The following PTPRR variants were observed in gnomAD, a reference collection of about 807,000 sequenced individuals.
The protein encoded by PTPRR is protein tyrosine phosphatase receptor type R, also known as receptor-type tyrosine-protein phosphatase R.
A neutral mutation model predicts 77.2 loss-of-function variants in PTPRR; 38 were observed. The observed-to-expected ratio is 0.49, with a 90% CI of 0.38 to 0.65. The LOEUF is 0.65. Among genes scored for constraint, PTPRR ranks in the 30% least tolerant of loss-of-function variants. The pLI is 0.00. For missense variants in PTPRR, 744 were observed against 799.2 expected (o/e 0.93, Z 0.83); for synonymous variants, 299 against 283.1 (o/e 1.06, Z -0.57).
chr12:70,784,305 G>A (rs757460797), intron 2 of PTPRR, among the ~76,000 whole-genome samples: 1 of 152,196 alleles, frequency 6.6e-6, no homozygotes, highest in Admixed American at 6.5e-5. Context: ...CAGGGCTCCC[G>A]CTTATCCCAG....
chr12:70,917,043 A>G (rs1490179009), intron 1 of PTPRR, among the ~76,000 whole-genome samples: 1 of 152,246 alleles, frequency 6.6e-6, no homozygotes, highest in Non-Finnish European at 1.5e-5. Flanking sequence ...CAACTAAAAT[A>G]CAACACTATA....
chr12:70,802,377 A>T (rs921668615), intron 2 of PTPRR, among the ~76,000 whole-genome samples: 1 of 152,174 alleles, frequency 6.6e-6, no homozygotes, highest in Admixed American at 6.5e-5. Context: ...GAGAAGACTT[A>T]TGTAGGAGAA....
intron 10 of PTPRR, chr12:70,672,850 A>T: frequency 6.4e-7 from 1 of 1,559,666 alleles, no homozygotes; most frequent in Non-Finnish European, 8.7e-7. Context: ...CATCATCAGC[A>T]AGGTGGTGTG....
At position 70,892,933 on chromosome 12, in the gene PTPRR, T is replaced by C; in HGVS notation, c.103A>G (p.Lys35Glu). Residue 35 changes from lysine (K) to glutamate (E), a missense_variant, in exon 2 of 14, where the codon AAG becomes GAG. By Grantham distance (56) the Lys-to-Glu change is moderately conservative (BLOSUM62 1). This residue lies in a region of PTPRR where 570 missense variants were observed against 573.2 expected (regional missense o/e 0.99). Transcript: ENST00000283228. ...NNDHFLAINQ[K>E]KSGKPVFIYK... ...ATGAATACCGGCTTCCCACTCTTCT[T>C]CTGATTAATTGCCAAAAAATGATCA... 1 of 1,613,276 alleles carries C rather than the reference T, an allele frequency of 6.2e-7. No individual in the cohort carries two copies. Among genetic ancestry groups the C allele is most frequent in the South Asian group, 1.1e-5 (1 of 91,056 alleles).
At chr12:70,689,808 A>G (rs942185089) in intron 8 of PTPRR, among the ~76,000 whole-genome samples, 3 of 152,196 alleles carry the variant, frequency 2.0e-5, no homozygotes, top group African/African-American at 7.2e-5. Context: ...AATAGTACGC[A>G]TATCCAAATA....
At chr12:70,680,192 C>T (rs1430236319) in intron 10 of PTPRR, among the ~76,000 whole-genome samples, 2 of 152,162 alleles carry the variant, frequency 1.3e-5, no homozygotes, top group African/African-American at 4.8e-5. Context: ...TAATTTCCTT[C>T]AGGTCATTAT....
In PTPRR at chr12:70,920,640, T is replaced by C; in HGVS notation, c.-250A>G. On this transcript the variant is annotated 5_prime_UTR_variant, in exon 1 of 14. Transcript: ENST00000283228. The stretch of plus-strand genomic sequence containing the variant: ...AACAGAAGCGCTCAGAGGCGGCAAA[T>C]GCCTGGCCTTCTGGACGCCCAGAAG... 1 of 411,808 alleles carries C rather than the reference T, an allele frequency of 2.4e-6. No individual in the cohort carries two copies. Among genetic ancestry groups the C allele is most frequent in the South Asian group, 2.8e-5 (1 of 35,190 alleles). The allele number at this position is 411,808 out of a possible 1,614,324, so 25.5% of individuals were successfully genotyped here. A position where few individuals can be genotyped will look rare whatever the true frequency, so the allele number is the denominator to read the frequency against.
At chr12:70,850,223 G>A (rs1156299960) in intron 2 of PTPRR, among the ~76,000 whole-genome samples, 9 of 151,960 alleles carry the variant, frequency 5.9e-5, no homozygotes, top group African/African-American at 4.8e-5. Context: ...TTAGCTGGGT[G>A]TGGTGGCGGG....
At chr12:70,906,983 T>C (rs1893632447) in intron 1 of PTPRR, 1 of 152,542 alleles carries the variant, frequency 6.6e-6, no homozygotes, top group African/African-American at 2.4e-5. Context: ...TCTTTGTTCC[T>C]TCTCCACTCC....
At chr12:70,803,861 C>A (rs1380428545) in intron 2 of PTPRR, among the ~76,000 whole-genome samples, 7 of 152,106 alleles carry the variant, frequency 4.6e-5, no homozygotes, top group African/African-American at 1.7e-4. Flanking sequence ...GGTGTGCATG[C>A]ATGTGTGCTT....
At chr12:70,871,490 G>T (rs759125152) in intron 2 of PTPRR, among the ~76,000 whole-genome samples, 15 of 152,114 alleles carry the variant, frequency 9.9e-5, no homozygotes, top group Non-Finnish European at 1.9e-4. Flanking sequence ...GTATCTGAAG[G>T]CTCATTCATT....
intron 2 of PTPRR, among the ~76,000 whole-genome samples, chr12:70,781,312 T>C (rs1286626346): frequency 6.6e-6 from 1 of 152,084 alleles, no homozygotes; most frequent in Non-Finnish European, 1.5e-5. Flanking sequence ...TCATGGTAAA[T>C]GGTGTTATGG....
At chr12:70,672,349 T>C in intron 10 of PTPRR, 1 of 1,457,202 alleles carries the variant, frequency 6.9e-7, no homozygotes, top group South Asian at 1.1e-5. Flanking sequence ...TGGAGCCCTA[T>C]GATGAGATGG....
intron 2 of PTPRR, among the ~76,000 whole-genome samples, chr12:70,850,877 TC>T (rs911413848): frequency 2.7e-4 from 41 of 152,170 alleles, no homozygotes; most frequent in African/African-American, 9.9e-4. Context: ...CCTCAGTACA[TC>T]TTTTGTTGAA....
chr12:70,827,694 T>A (rs1892137122), intron 2 of PTPRR, among the ~76,000 whole-genome samples: 1 of 145,570 alleles, frequency 6.9e-6, no homozygotes, highest in South Asian at 2.2e-4. Context: ...TATAGGTGCC[T>A]GCCACCACAC....
intron 12 of PTPRR, among the ~76,000 whole-genome samples, chr12:70,660,725 T>C (rs538362366): frequency 5.3e-5 from 8 of 152,358 alleles, no homozygotes; most frequent in African/African-American, 1.9e-4. Flanking sequence ...GCCGACTGTG[T>C]AATTGTTGTT....
At chr12:70,756,483 C>A (rs1002974782) in intron 4 of PTPRR, among the ~76,000 whole-genome samples, 2 of 152,158 alleles carry the variant, frequency 1.3e-5, no homozygotes, top group African/African-American at 4.8e-5. Context: ...AATCTTCAAT[C>A]TAACCTTTGC....
intron 6 of PTPRR, among the ~76,000 whole-genome samples, chr12:70,718,411 G>A (rs1035376172): frequency 6.6e-6 from 1 of 152,068 alleles, no homozygotes; most frequent in Non-Finnish European, 1.5e-5. Flanking sequence ...GATTACAGGC[G>A]TGTGCCACCA....
At chr12:70,780,283 C>T (rs1891177240) in intron 2 of PTPRR, among the ~76,000 whole-genome samples, 2 of 152,088 alleles carry the variant, frequency 1.3e-5, no homozygotes, top group Non-Finnish European at 2.9e-5. Context: ...AGCCACTGCA[C>T]CTGGCTGAAA....
Sources: allele counts gnomAD v4.1 joint callset (sites outside exome capture counted in the v4.1 genomes callset), GRCh38; gene constraint gnomAD v4.1.1; regional missense constraint gnomAD v4.1.1; transcripts MANE v1.5; gene names NCBI Gene and HGNC (gene_info 2026-07-23, HGNC 2026-07-21).